Variants in CIB2 observed in about 807,000 individuals in gnomAD.
CIB2 encodes calcium and integrin-binding family member 2.
A neutral mutation model predicts 23.1 loss-of-function variants in CIB2; 19 were observed. That is an observed-to-expected ratio of 0.82 (90% CI 0.57 to 1.21). The LOEUF is 1.21. Among genes scored for constraint, CIB2 ranks in the 50% most tolerant of loss-of-function variants. CIB2 has a pLI of 0.00. For missense variants in CIB2, 220 were observed against 241.5 expected (o/e 0.91, Z 0.59); for synonymous variants, 94 against 91.7 (o/e 1.03, Z -0.14).
rs1257461948 is a variant in CIB2 at position 78,105,261 on chromosome 15, T to C, written c.*50A>G. 6.2e-7 allele frequency: 1 copy of C among 1,612,626 alleles called. No individual in the cohort carries two copies. Among genetic ancestry groups the C allele is most frequent in the African/African-American group, 1.3e-5 (1 of 74,876 alleles). The stretch of plus-strand genomic sequence containing the variant: ...AGCTTGGAGGCCACACCCATGTGAC[T>C]GCAGGGCAGGATGGTGGACTTCTAG... On this transcript the variant is annotated 3_prime_UTR_variant, in exon 6 of 6. Transcript: ENST00000258930.
intron 2 of CIB2, among the ~76,000 whole-genome samples, chr15:78,117,968 T>TAC (rs1335425259): frequency 6.6e-6 from 1 of 152,224 alleles, no homozygotes; most frequent in African/African-American, 2.4e-5. Context: ...ATGTGAATGG[T>TAC]ACCACAAGAA....
At chr15:78,110,805 G>A (rs1360385396) in intron 3 of CIB2, 1 of 465,354 alleles carries the variant, frequency 2.1e-6, no homozygotes. Flanking sequence ...TGACCACCAT[G>A]CTGACCTCAG....
At chr15:78,130,545 G>A (rs1015983024) in intron 1 of CIB2, among the ~76,000 whole-genome samples, 4 of 152,184 alleles carry the variant, frequency 2.6e-5, no homozygotes, top group African/African-American at 9.7e-5. Context: ...AACCTAGAAA[G>A]GTCTAAGGAG....
At chr15:78,125,047 G>C (rs1312679904) in intron 1 of CIB2, among the ~76,000 whole-genome samples, 2 of 152,168 alleles carry the variant, frequency 1.3e-5, no homozygotes, top group Non-Finnish European at 2.9e-5. Context: ...AAGGATCCAT[G>C]CTGGCTTCTT....
chr15:78,108,064 C>T (rs1453115413), intron 4 of CIB2, among the ~76,000 whole-genome samples: 1 of 151,666 alleles, frequency 6.6e-6, no homozygotes, highest in Non-Finnish European at 1.5e-5. Flanking sequence ...CTCAGCTACT[C>T]AGGAGGCTGA....
At chr15:78,124,701 AAGGCCTCCT>A (rs1734374571) in intron 1 of CIB2, among the ~76,000 whole-genome samples, 2 of 152,152 alleles carry the variant, frequency 1.3e-5, no homozygotes, top group South Asian at 4.1e-4. Context: ...ATGAAGCAAG[AAGGCCTCCT>A]AGGTCTGCAG....
chr15:78,123,516 G>A (rs941908278), intron 2 of CIB2, among the ~76,000 whole-genome samples, 189 bp downstream of exon 2: 1 of 152,138 alleles, frequency 6.6e-6, no homozygotes, highest in Non-Finnish European at 1.5e-5. Context: ...GAGGATCTGG[G>A]CCCTGGGAGG....
chr15:78,111,123 G>A, intron 3 of CIB2, 42 bp downstream of exon 3: 1 of 1,564,806 alleles, frequency 6.4e-7, no homozygotes, highest in South Asian at 1.1e-5. Context: ...CTGGTCCAGA[G>A]GCACAGATCC....
At chr15:78,120,607 C>T in intron 2 of CIB2, 2 of 985,248 alleles carry the variant, frequency 2.0e-6, no homozygotes, top group Non-Finnish European at 2.4e-6. Flanking sequence ...GGGCTGCCCA[C>T]TCGGCCTCAA....
At chr15:78,123,006 CG>C (rs1352737740) in intron 2 of CIB2, among the ~76,000 whole-genome samples, 1 of 152,308 alleles carries the variant, frequency 6.6e-6, no homozygotes, top group African/African-American at 2.4e-5. Context: ...TAGTGAGGCC[CG>C]TGGGGCAGTT....
chr15:78,123,572 C>A, intron 2 of CIB2, 133 bp downstream of exon 2: 1 of 907,110 alleles, frequency 1.1e-6, no homozygotes, highest in Admixed American at 1.8e-5. Flanking sequence ...CGAGTGGGGA[C>A]CTGAATGTGG....
At chr15:78,110,802 C>T in intron 3 of CIB2, 1 of 464,640 alleles carries the variant, frequency 2.2e-6, no homozygotes, top group Non-Finnish European at 4.3e-6. Context: ...GGATGACCAC[C>T]ATGCTGACCT....
chr15:78,109,128 A>G (rs2074113819), intron 4 of CIB2, 107 bp downstream of exon 4: 2 of 1,275,030 alleles, frequency 1.6e-6, no homozygotes, highest in Admixed American at 4.3e-5. Flanking sequence ...GATCAGCTTC[A>G]CTGTTCTTGG....
chr15:78,122,014 A>G (rs1168167337), intron 2 of CIB2, among the ~76,000 whole-genome samples: 3 of 152,072 alleles, frequency 2.0e-5, no homozygotes, highest in Non-Finnish European at 2.9e-5. Context: ...CCCTCAGCCA[A>G]TCCTACCTGT....
intron 1 of CIB2, among the ~76,000 whole-genome samples, chr15:78,128,974 G>C (rs2074418219): frequency 6.6e-6 from 1 of 152,232 alleles, no homozygotes; most frequent in African/African-American, 2.4e-5. Context: ...AGGAGCAGCA[G>C]TGGGTGTTGG....
chr15:78,128,131 C>T (rs930085181), intron 1 of CIB2, among the ~76,000 whole-genome samples: 6 of 152,198 alleles, frequency 3.9e-5, no homozygotes, highest in African/African-American at 1.4e-4. Context: ...CATTCTGTGG[C>T]CACACAAGGG....
chr15:78,127,779 C>A (rs949998429), intron 1 of CIB2, among the ~76,000 whole-genome samples: 1 of 152,172 alleles, frequency 6.6e-6, no homozygotes, highest in Non-Finnish European at 1.5e-5. Flanking sequence ...GCCCAGGGGA[C>A]CATCACACGG....
At chr15:78,124,279 G>T (rs1205364375) in intron 1 of CIB2, among the ~76,000 whole-genome samples, 1 of 152,092 alleles carries the variant, frequency 6.6e-6, no homozygotes, top group Non-Finnish European at 1.5e-5. Flanking sequence ...AGAAAGGGAT[G>T]AGGTCACCCA....
intron 1 of CIB2, among the ~76,000 whole-genome samples, chr15:78,128,732 G>A (rs1255356676): frequency 6.7e-6 from 1 of 149,934 alleles, no homozygotes; most frequent in African/African-American, 2.4e-5. Context: ...AGAGATGAAG[G>A]AAGAGTGAGA....
Sources: allele counts gnomAD v4.1 joint callset (sites outside exome capture counted in the v4.1 genomes callset), GRCh38; gene constraint gnomAD v4.1.1; transcripts MANE v1.5; gene names NCBI Gene and HGNC (gene_info 2026-07-23, HGNC 2026-07-21).